Variants in CDH4 observed in about 807,000 individuals in gnomAD.
CDH4 encodes cadherin 4.
Under a neutral mutation model 86.0 loss-of-function variants are expected in CDH4, and 33 were observed. The observed-to-expected ratio is 0.38, with a 90% CI of 0.29 to 0.51. The LOEUF (loss-of-function observed/expected upper bound fraction) is 0.51. Among genes scored for constraint, CDH4 ranks in the 20% least tolerant of loss-of-function variants. The probability of loss-of-function intolerance (pLI) is 0.86; values close to 1 mark genes in which losing one functional copy is unlikely to be tolerated. For missense variants in CDH4, 1,114 were observed against 1,307.4 expected (o/e 0.85, Z 2.28); for synonymous variants, 555 against 549.4 (o/e 1.01, Z -0.14).
chr20:61,579,212 C>T (rs1219455091), intron 2 of CDH4, among the ~76,000 whole-genome samples: 1 of 152,108 alleles, frequency 6.6e-6, no homozygotes, highest in Admixed American at 6.5e-5. Context: ...CTTTACCCCA[C>T]TCGAGCAGGG....
intron 9 of CDH4, among the ~76,000 whole-genome samples, chr20:61,921,975 G>A (rs1330102358): frequency 6.6e-6 from 1 of 152,154 alleles, no homozygotes; most frequent in African/African-American, 2.4e-5. Context: ...TGCACACTAT[G>A]TGGGTTGCTT....
At chr20:61,935,732 C>G (rs1355622772) in intron 15 of CDH4, among the ~76,000 whole-genome samples, 1 of 152,148 alleles carries the variant, frequency 6.6e-6, no homozygotes, top group African/African-American at 2.4e-5. Context: ...ACTAAAAATA[C>G]AAAAATTAGC....
intron 2 of CDH4, among the ~76,000 whole-genome samples, chr20:61,467,453 G>A (rs181549582): frequency 6.6e-6 from 1 of 152,302 alleles, no homozygotes; most frequent in Admixed American, 6.5e-5. Context: ...AGTATGATAA[G>A]TAATAGAATA....
intron 2 of CDH4, among the ~76,000 whole-genome samples, chr20:61,275,928 T>C (rs1388192949): frequency 6.6e-6 from 1 of 152,136 alleles, no homozygotes; most frequent in African/African-American, 2.4e-5. Context: ...TGATTTGATT[T>C]TTGATGTAAG....
chr20:61,845,260 C>G (rs1243503321), intron 5 of CDH4, among the ~76,000 whole-genome samples: 1 of 152,282 alleles, frequency 6.6e-6, no homozygotes, highest in Non-Finnish European at 1.5e-5. Flanking sequence ...CACACCCTCT[C>G]TAGGCTGGGA....
intron 2 of CDH4, among the ~76,000 whole-genome samples, chr20:61,669,115 G>A (rs1259344204): frequency 3.3e-5 from 5 of 152,240 alleles, no homozygotes; most frequent in East Asian, 1.9e-4. Context: ...ACGTTCTCCA[G>A]CAGTAAGTTA....
chr20:61,718,728 T>A (rs2087993975), intron 2 of CDH4: 2 of 448,304 alleles, frequency 4.5e-6, no homozygotes, highest in Non-Finnish European at 4.7e-6. Context: ...ACAGGGCATT[T>A]GAGTGCAGGA....
intron 4 of CDH4, among the ~76,000 whole-genome samples, chr20:61,818,307 C>G (rs1019055001): frequency 1.3e-5 from 2 of 152,228 alleles, no homozygotes; most frequent in Non-Finnish European, 2.9e-5. Context: ...GCACTGTCCT[C>G]CCAACCCATC....
intron 3 of CDH4, among the ~76,000 whole-genome samples, chr20:61,747,348 T>C (rs1469959027): frequency 6.7e-6 from 1 of 149,052 alleles, no homozygotes; most frequent in Non-Finnish European, 1.5e-5. Flanking sequence ...CTCGAGAAGC[T>C]GAGGCAGGAG....
intron 2 of CDH4, among the ~76,000 whole-genome samples, chr20:61,505,356 C>T (rs1351940269): frequency 1.3e-5 from 2 of 152,128 alleles, no homozygotes; most frequent in African/African-American, 4.8e-5. Context: ...AGGAGTTAGG[C>T]GTAGCTTCAG....
chr20:61,870,989 C>T (rs902006372), intron 6 of CDH4, among the ~76,000 whole-genome samples: 2 of 152,002 alleles, frequency 1.3e-5, no homozygotes, highest in African/African-American at 4.8e-5. Context: ...CTTAGACGCA[C>T]CAGTGTATTT....
chr20:61,331,542 C>G (rs1203548817), intron 2 of CDH4, among the ~76,000 whole-genome samples: 1 of 51,360 alleles, frequency 1.9e-5, no homozygotes, highest in Non-Finnish European at 4.2e-5. Flanking sequence ...AGCTGACATA[C>G]AGGTCTCAGC....
rs1038016733 is a variant in CDH4 at position 61,879,603 on chromosome 20, G to A, written c.1050+5703G>A. Among the ~76,000 whole-genome samples, 3 of 152,274 alleles carry A rather than the reference G, an allele frequency of 2.0e-5. No homozygotes were observed. Among genetic ancestry groups the A allele is most frequent in the African/African-American group, 7.2e-5 (3 of 41,556 alleles). On this transcript the variant is annotated intron_variant, in intron 7 of 15. Coordinates refer to ENST00000614565, the MANE Select transcript of CDH4 (RefSeq NM_001794.5). The surrounding 1 kb of genome is among the most constrained non-coding windows in gnomAD (Gnocchi z 4.1). ...GGAGAGGCTTCGATAAGACCTGAGC[G>A]GTTCAAGTGTCTCTCGTGTACCAGC...
chr20:61,920,465 G>T (rs1288158770), intron 9 of CDH4, among the ~76,000 whole-genome samples: 1 of 150,906 alleles, frequency 6.6e-6, no homozygotes, highest in Non-Finnish European at 1.5e-5. Context: ...GTGATTGCAT[G>T]GAAGCGCAGT....
intron 8 of CDH4, among the ~76,000 whole-genome samples, chr20:61,903,540 T>TAAAAAAAAAAAAAAAAA (rs60370683): frequency 2.2e-5 from 2 of 90,886 alleles, no homozygotes; most frequent in African/African-American, 9.5e-5. Context: ...AGAGACTCCA[T>TAAAAAAAAAAAAAAAAA]AAAAAAAAAA....
At chr20:61,830,720 G>T (rs564672317) in intron 4 of CDH4, among the ~76,000 whole-genome samples, 24 of 152,244 alleles carry the variant, frequency 1.6e-4, no homozygotes, top group African/African-American at 4.8e-4. Context: ...TCGCAGGCAG[G>T]CCCTGCAGAG....
intron 2 of CDH4, among the ~76,000 whole-genome samples, chr20:61,409,259 C>A (rs116477423): frequency 0.021 from 3,172 of 152,258 alleles, 102 homozygotes; most frequent in African/African-American, 0.071. Context: ...ATCAAATAAA[C>A]CTCAAAGCAG....
intron 2 of CDH4, among the ~76,000 whole-genome samples, chr20:61,376,530 G>T (rs2084873362): frequency 6.6e-6 from 1 of 152,180 alleles, no homozygotes; most frequent in Non-Finnish European, 1.5e-5. Flanking sequence ...GGAGGCTGAG[G>T]TGGAGGCGTG....
intron 1 of CDH4, among the ~76,000 whole-genome samples, chr20:61,253,858 AGGCGCCACTGCCCGGTGCG>A (rs1357604471): frequency 6.6e-6 from 1 of 152,052 alleles, no homozygotes; most frequent in Non-Finnish European, 1.5e-5. Context: ...GGCGGGCGGG[AGGCGCCACTGCCCGGTGCG>A]GGCTGCACCC....
Sources: gnomAD v4.1 joint callset for allele counts (sites outside exome capture counted in the v4.1 genomes callset) on GRCh38, gnomAD v4.1.1 for gene constraint, Gnocchi (gnomAD v3.1) non-coding constraint, MANE v1.5 for transcripts, NCBI Gene and HGNC (gene_info 2026-07-23, HGNC 2026-07-21) for gene names.